The following PCDHA5 variants were observed in gnomAD, a reference collection of about 807,000 sequenced individuals.
PCDHA5 encodes the protein protocadherin alpha-5.
PCDHA5 carries 43 observed loss-of-function variants against 61.6 expected under a neutral mutation model. That is an observed-to-expected ratio of 0.70 (90% confidence interval 0.55 to 0.90). The LOEUF (loss-of-function observed/expected upper bound fraction) is 0.90, where lower values mean the gene tolerates loss of function less well. Ranked by LOEUF, PCDHA5 falls within the 40% of genes least tolerant of loss-of-function variation. PCDHA5 has a pLI of 0.00. For synonymous variants in PCDHA5, 627 were observed against 543.9 expected (o/e 1.15, Z -2.13); for missense variants, 1,298 against 1,222.7 (o/e 1.06, Z -0.92).
chr5:140,905,368 T>G (rs536118800), intron 1 of PCDHA5, among the ~76,000 whole-genome samples: 47 of 152,336 alleles, frequency 3.1e-4, no homozygotes, highest in Non-Finnish European at 4.6e-4. Flanking sequence ...TATTTCTGGT[T>G]CTCTGTTCTG....
At chr5:140,874,310 T>G (rs1466164009) in intron 1 of PCDHA5, among the ~76,000 whole-genome samples, 1 of 151,992 alleles carries the variant, frequency 6.6e-6, no homozygotes, top group Non-Finnish European at 1.5e-5. Context: ...TCACAATGAG[T>G]TGTAGGATCT....
At chr5:140,828,396 G>A in intron 1 of PCDHA5, 1 of 1,614,278 alleles carries the variant, frequency 6.2e-7, no homozygotes, top group Non-Finnish European at 8.5e-7. Flanking sequence ...AGCGCGGAGT[G>A]CAGCATCCAC....
At chr5:140,909,907 A>C (rs1554194005) in intron 1 of PCDHA5, among the ~76,000 whole-genome samples, 1 of 152,168 alleles carries the variant, frequency 6.6e-6, no homozygotes, top group African/African-American at 2.4e-5. Flanking sequence ...CTGAAATGGC[A>C]ATCATTTCCC....
At chr5:140,898,026 T>G (rs11167645) in intron 1 of PCDHA5, among the ~76,000 whole-genome samples, 49,476 of 151,852 alleles carry the variant, frequency 0.33, 8,303 homozygotes, top group East Asian at 0.53. Flanking sequence ...GCCCACTTTT[T>G]GATGGGGTTG....
rs190430510 is a variant in PCDHA5, at chr5:140,858,745, C to G, written c.2352+34618C>G. ...TTCTGACGATTTACTTTCATAATCACTTTTCGTTACAAATATTTGTGAGAT... is the reference window on the plus strand; with the variant it reads ...TTCTGACGATTTACTTTCATAATCAGTTTTCGTTACAAATATTTGTGAGAT... On this transcript the variant is annotated intron_variant, in intron 1 of 3. Coordinates refer to ENST00000529859, the MANE Select transcript of PCDHA5 (RefSeq NM_018908.3). 215 of 461,666 alleles carry G rather than the reference C, an allele frequency of 4.7e-4. 2 individuals are homozygous for G. In the East Asian group the frequency reaches 5.3e-3, roughly 11 times the overall value. The allele number at this position is 461,666 out of a possible 1,614,324, so 28.6% of individuals were successfully genotyped here.
chr5:140,886,827 GAAA>G (rs782016620), intron 1 of PCDHA5, among the ~76,000 whole-genome samples: 1 of 60,882 alleles, frequency 1.6e-5, no homozygotes. Flanking sequence ...ACTTCGTCTT[GAAA>G]AAAAAAAAAA....
In PCDHA5 at chr5:140,883,748, C is replaced by T. The variant is rs782541066; in HGVS notation, c.2352+59621C>T. The T allele has an allele frequency of 4.3e-6, 7 of 1,613,146 alleles. No individual in the cohort carries two copies. The East Asian group carries it at 1.6e-4, about 36-fold the overall frequency. On this transcript the variant is annotated intron_variant, in intron 1 of 3. Transcript: ENST00000529859. ...GGAGAACGCGCTGGTCTCCTACTCG[C>T]TGGTGGAGCGGCGGGTGGGCGAGCG... is the stretch of plus-strand genomic sequence containing the variant.
At position 140,821,838 on chromosome 5, in the gene PCDHA5, C is replaced by CT. The variant is rs1767080006; in HGVS notation, c.64dup (p.Tyr22LeufsTer106). 1 of 1,614,194 alleles carries CT rather than the reference C, an allele frequency of 6.2e-7. No homozygotes were observed. The highest frequency in any genetic ancestry group is 1.3e-5 in the African/African-American group (1 of 75,064). Reference sequence around the variant, plus strand: ...TCCTGCTGCTCTGGCTTCTCCTTGCCTACTGGAAGGCAGGGAGCGGCCAGC... The same window carrying CT: ...TCCTGCTGCTCTGGCTTCTCCTTGCCTTACTGGAAGGCAGGGAGCGGCCAGC... On this transcript the variant is annotated frameshift_variant, in exon 1 of 4. Transcript: ENST00000529859. LOFTEE classifies it high-confidence loss of function.
chr5:140,897,695 C>T (rs1417139429), intron 1 of PCDHA5, among the ~76,000 whole-genome samples: 12 of 152,090 alleles, frequency 7.9e-5, no homozygotes, highest in South Asian at 4.2e-4. Flanking sequence ...GTCCTTTGGG[C>T]ATATACCCAG....
chr5:140,914,816 A>T (rs2076855290), intron 1 of PCDHA5, among the ~76,000 whole-genome samples: 1 of 152,208 alleles, frequency 6.6e-6, no homozygotes, highest in African/African-American at 2.4e-5. Context: ...AACTTAACAG[A>T]CTGCATAAAC....
At chr5:140,991,614 A>G (rs1554252334) in intron 3 of PCDHA5, among the ~76,000 whole-genome samples, 2 of 152,194 alleles carry the variant, frequency 1.3e-5, no homozygotes, top group Non-Finnish European at 2.9e-5. Flanking sequence ...AGCACCTTTA[A>G]TGCCATATTT....
intron 1 of PCDHA5, chr5:140,877,093 G>T (rs2056846978): frequency 6.2e-7 from 1 of 1,613,178 alleles, no homozygotes; most frequent in African/African-American, 1.3e-5. Context: ...GCGCGACGCC[G>T]GCGTGCCGCC....
intron 1 of PCDHA5, among the ~76,000 whole-genome samples, chr5:140,950,482 T>C (rs1384931498): frequency 6.6e-6 from 1 of 152,106 alleles, no homozygotes; most frequent in African/African-American, 2.4e-5. Flanking sequence ...TGATGAGAAG[T>C]GTGTAGTCAT....
chr5:140,900,233 G>GT (rs1261263702), intron 1 of PCDHA5, among the ~76,000 whole-genome samples: 7 of 151,834 alleles, frequency 4.6e-5, no homozygotes, highest in Non-Finnish European at 7.4e-5. Flanking sequence ...ACTGGATCTT[G>GT]TTTTTTTTAT....
rs2091506714 is a variant in PCDHA5, at chr5:140,937,376, G to C, written c.2353-41573G>C. Reference sequence around the variant, plus strand: ...TATTATTTTATCTTAATGTTTATGTGTGTGTATGTGTATATAGGGGTATTG... The same window carrying C: ...TATTATTTTATCTTAATGTTTATGTCTGTGTATGTGTATATAGGGGTATTG... On this transcript the variant is annotated intron_variant, in intron 1 of 3. Coordinates refer to ENST00000529859, the MANE Select transcript of PCDHA5 (RefSeq NM_018908.3). Among the ~76,000 whole-genome samples, 4 of 152,084 alleles carry C rather than the reference G, an allele frequency of 2.6e-5. No homozygotes were observed. In the South Asian group the frequency reaches 8.3e-4, roughly 32 times the overall value.
chr5:140,999,176 T>A (rs546665453), intron 3 of PCDHA5, among the ~76,000 whole-genome samples: 1 of 152,274 alleles, frequency 6.6e-6, no homozygotes, highest in African/African-American at 2.4e-5. Context: ...AAGAGCCTGA[T>A]GGGGAGAGGG....
chr5:140,969,149 G>C (rs782510891), intron 1 of PCDHA5: 3 of 1,614,120 alleles, frequency 1.9e-6, no homozygotes, highest in South Asian at 1.1e-5. Context: ...CTGCTACAAG[G>C]CCTGTCTGAC....
At chr5:140,878,389 T>A (rs528504145) in intron 1 of PCDHA5, among the ~76,000 whole-genome samples, 1 of 152,360 alleles carries the variant, frequency 6.6e-6, no homozygotes, top group East Asian at 1.9e-4. Flanking sequence ...ATTTTCTTCA[T>A]TGCTCACAAA....
chr5:140,830,551 T>C, intron 1 of PCDHA5: 1 of 1,095,476 alleles, frequency 9.1e-7, no homozygotes, highest in African/African-American at 1.6e-5. Flanking sequence ...TCCTCATATT[T>C]GTCTTCTATA....
Sources: gnomAD v4.1 joint callset for allele counts (sites outside exome capture counted in the v4.1 genomes callset) on GRCh38, gnomAD v4.1.1 for gene constraint, MANE v1.5 for transcripts, NCBI Gene and HGNC (gene_info 2026-07-23, HGNC 2026-07-21) for gene names.